Variants in SGCD observed in about 807,000 individuals in gnomAD.
SGCD encodes delta-sarcoglycan.
In SGCD, 18 loss-of-function variants were observed where a neutral mutation model predicts 36.6. That is an observed-to-expected ratio of 0.49 (90% CI 0.34 to 0.73). The LOEUF (loss-of-function observed/expected upper bound fraction) is 0.73, where lower values mean the gene tolerates loss of function less well. SGCD is among the 30% of genes least tolerant of loss of function. The probability of loss-of-function intolerance (pLI) is 0.01; values close to 1 mark genes in which losing one functional copy is unlikely to be tolerated. For missense variants in SGCD, 387 were observed against 346.7 expected (o/e 1.12, Z -0.92); for synonymous variants, 133 against 130.6 (o/e 1.02, Z -0.12).
At chr5:155,793,734 A>G in the SGCD span, among the ~76,000 whole-genome samples, 1 of 151,950 alleles carries the variant, frequency 6.6e-6, no homozygotes, top group Admixed American at 6.6e-5. Context: ...TTTTTAGTAG[A>G]GACAGGGATT....
chr5:156,127,854 CAAAAAA>C (rs56822746), intron 3 of SGCD, among the ~76,000 whole-genome samples: 7 of 18,446 alleles, frequency 3.8e-4, no homozygotes, highest in Non-Finnish European at 4.9e-4. Context: ...AACATAAATG[CAAAAAA>C]AAAAAAAAAA....
At chr5:155,849,376 T>TA in the SGCD span, among the ~76,000 whole-genome samples, 4 of 152,114 alleles carry the variant, frequency 2.6e-5, no homozygotes, top group African/African-American at 9.6e-5. Context: ...ATTTATGCAG[T>TA]AAGATGCCTT....
intron 7 of SGCD, among the ~76,000 whole-genome samples, chr5:156,698,840 TACACAC>T (rs150929203): frequency 0.031 from 4,282 of 140,062 alleles, 210 homozygotes; most frequent in African/African-American, 0.1. Context: ...TAAATTAAAA[TACACAC>T]ACACACACAC....
At chr5:156,498,032 A>G (rs140414798) in intron 3 of SGCD, among the ~76,000 whole-genome samples, 22 of 152,244 alleles carry the variant, frequency 1.4e-4, no homozygotes, top group African/African-American at 5.1e-4. Context: ...CCCTTCATCA[A>G]GTTGGACTTT....
At position 156,608,396 on chromosome 5, in the gene SGCD, G is replaced by T. The variant is rs955691675; in HGVS notation, c.502+13345G>T. Reference sequence around the variant, plus strand: ...TCCTGAGTTCTAGTTTGATTGCACTGTGGTCTGAGAGACAGTTTGTTATAA... The same window carrying T: ...TCCTGAGTTCTAGTTTGATTGCACTTTGGTCTGAGAGACAGTTTGTTATAA... On this transcript the variant is annotated intron_variant, in intron 6 of 8. Coordinates refer to ENST00000337851, the MANE Select transcript of SGCD (RefSeq NM_000337.6). Among the ~76,000 whole-genome samples the T allele has an allele frequency of 8.3e-4, 126 of 152,330 alleles. No individual in the cohort carries two copies. The Middle Eastern group carries it at 0.014, about 16-fold the overall frequency.
At chr5:155,801,327 A>G in the SGCD span, among the ~76,000 whole-genome samples, 2 of 152,140 alleles carry the variant, frequency 1.3e-5, no homozygotes, top group African/African-American at 2.4e-5. Context: ...CCAAGCCCTG[A>G]GAGTAGAGAA....
chr5:156,490,698 A>G (rs1755897841), intron 3 of SGCD, among the ~76,000 whole-genome samples: 1 of 151,950 alleles, frequency 6.6e-6, no homozygotes, highest in Non-Finnish European at 1.5e-5. Context: ...CATAGAAGGG[A>G]CGTACCTTGA....
chr5:156,458,840 A>G (rs1217146106), intron 3 of SGCD, among the ~76,000 whole-genome samples: 1 of 152,218 alleles, frequency 6.6e-6, no homozygotes, highest in East Asian at 1.9e-4. Flanking sequence ...TGACTAGAAC[A>G]TGGTGAGTCT....
At position 156,535,132 on chromosome 5, in the gene SGCD, C is replaced by A. The variant is rs548417743; in HGVS notation, c.294+26430C>A. On this transcript the variant is annotated intron_variant, in intron 4 of 8. Coordinates refer to ENST00000337851, the MANE Select transcript of SGCD (RefSeq NM_000337.6). Reference sequence around the variant, plus strand: ...GAGGTTCTTGTTCAACCCACACATGCAAATGCAGCTGTGATGGTTTTGTCA... The same window carrying A: ...GAGGTTCTTGTTCAACCCACACATGAAAATGCAGCTGTGATGGTTTTGTCA... Among the ~76,000 whole-genome samples the A allele has an allele frequency of 1.1e-3, 169 of 152,314 alleles. 2 individuals are homozygous for A. The highest frequency in any genetic ancestry group is 1.2e-4 in the Non-Finnish European group (8 of 68,034).
chr5:155,837,790 G>A, the SGCD span, among the ~76,000 whole-genome samples: 1 of 152,170 alleles, frequency 6.6e-6, no homozygotes, highest in Non-Finnish European at 1.5e-5. Flanking sequence ...TCAGCTACCT[G>A]AATAGTCATT....
At chr5:155,748,099 G>A in the SGCD span, among the ~76,000 whole-genome samples, 1 of 150,622 alleles carries the variant, frequency 6.6e-6, no homozygotes, top group Non-Finnish European at 1.5e-5. Flanking sequence ...GCTGACCTTT[G>A]TTTTTTTCTT....
chr5:156,739,103 A>G (rs907204945), intron 7 of SGCD, among the ~76,000 whole-genome samples: 14 of 152,250 alleles, frequency 9.2e-5, no homozygotes, highest in Non-Finnish European at 1.5e-5. Flanking sequence ...ATAACAAAAT[A>G]TGGCCCTAGC....
chr5:156,486,181 G>A (rs1436928153), intron 3 of SGCD, among the ~76,000 whole-genome samples: 3 of 151,830 alleles, frequency 2.0e-5, no homozygotes, highest in African/African-American at 7.3e-5. Flanking sequence ...ATCCCTTCAT[G>A]TCCACCCAGA....
chr5:156,222,502 G>A (rs1764741253), intron 3 of SGCD, among the ~76,000 whole-genome samples: 1 of 152,000 alleles, frequency 6.6e-6, no homozygotes, highest in African/African-American at 2.4e-5. Flanking sequence ...TGTTTAGTGA[G>A]GTACATTGCT....
chr5:155,749,535 A>G, the SGCD span, among the ~76,000 whole-genome samples: 4 of 152,234 alleles, frequency 2.6e-5, no homozygotes, highest in Non-Finnish European at 5.9e-5. Context: ...AATTTCATTC[A>G]GTGTATTAAA....
intron 7 of SGCD, among the ~76,000 whole-genome samples, chr5:156,674,419 T>G (rs1324173036): frequency 1.3e-5 from 2 of 152,172 alleles, no homozygotes; most frequent in African/African-American, 4.8e-5. Flanking sequence ...TTCTTTATTC[T>G]TATGCCTTAG....
chr5:156,721,910 C>G (rs550788670), intron 7 of SGCD, among the ~76,000 whole-genome samples: 37 of 152,322 alleles, frequency 2.4e-4, no homozygotes, highest in African/African-American at 8.7e-4. Flanking sequence ...AAGACTGTCA[C>G]ATCTATATCA....
At chr5:156,100,749 T>TTTA (rs1761499457) in intron 1 of SGCD, among the ~76,000 whole-genome samples, 1 of 152,208 alleles carries the variant, frequency 6.6e-6, no homozygotes, top group Non-Finnish European at 1.5e-5. Context: ...TGAACTCTAT[T>TTTA]GATTTGTAAT....
intron 7 of SGCD, among the ~76,000 whole-genome samples, chr5:156,731,595 G>A (rs188847610): frequency 4.7e-5 from 7 of 149,760 alleles, no homozygotes; most frequent in African/African-American, 1.5e-4. Flanking sequence ...CCATTGGTCT[G>A]TGTCTGCTCT....
Sources: allele counts gnomAD v4.1 joint callset (sites outside exome capture counted in the v4.1 genomes callset), GRCh38; gene constraint gnomAD v4.1.1; transcripts MANE v1.5; gene names NCBI Gene and HGNC (gene_info 2026-07-23, HGNC 2026-07-21).